Variants in FBXO10 observed in about 807,000 individuals in gnomAD.
FBXO10 encodes F-box protein 10.
FBXO10 carries 39 observed loss-of-function variants against 80.7 expected under a neutral mutation model. The observed-to-expected ratio is 0.48, with a 90% confidence interval of 0.37 to 0.63. FBXO10 has a LOEUF of 0.63. FBXO10 is among the 30% of genes least tolerant of loss of function. The pLI is 0.00. For synonymous variants in FBXO10, 449 were observed against 489.6 expected (o/e 0.92, Z 1.09); for missense variants, 1,025 against 1,269.0 (o/e 0.81, Z 2.92).
chr9:37,537,577 T>A lies in FBXO10; in HGVS notation c.952A>T (p.Ser318Cys). The change falls in exon 3 of 11, where the codon AGC (serine) becomes TGC (cysteine). Residue 318 changes from serine to cysteine, a missense_variant. Around this residue, in one of 3 missense-constraint regions of FBXO10, gnomAD observed 450 missense variants for 499.4 expected, o/e 0.90. Transcript: ENST00000432825. The part of the protein sequence containing the change: ...TCDIVIEGSQ[S>C]PTSPASSSPK... ...GAGCTAGAGGCTGGGCTGGTAGGGCTCTGGCTGCCCTCGATAACAATGTCA... is the reference window on the plus strand; with the variant it reads ...GAGCTAGAGGCTGGGCTGGTAGGGCACTGGCTGCCCTCGATAACAATGTCA... 6.2e-7 allele frequency: 1 copy of A among 1,613,742 alleles called. No individual in the cohort carries two copies. Among genetic ancestry groups the A allele is most frequent in the Non-Finnish European group, 8.5e-7 (1 of 1,179,790 alleles).
chr9:37,517,279 A>G (rs1019253579), intron 9 of FBXO10, among the ~76,000 whole-genome samples: 1 of 152,146 alleles, frequency 6.6e-6, no homozygotes, highest in African/African-American at 2.4e-5. Flanking sequence ...CTTGAGTGAC[A>G]GGGGCACCAA....
intron 1 of FBXO10, among the ~76,000 whole-genome samples, chr9:37,560,055 G>A (rs542950009): frequency 1.3e-4 from 20 of 152,220 alleles, no homozygotes; most frequent in African/African-American, 4.8e-4. Flanking sequence ...ACTGGTGCTC[G>A]ACCCTCTTTC....
intron 3 of FBXO10, among the ~76,000 whole-genome samples, chr9:37,533,694 A>T (rs1364865531): frequency 6.6e-6 from 1 of 152,068 alleles, no homozygotes; most frequent in Non-Finnish European, 1.5e-5. Context: ...AACATGGTGA[A>T]ACCCCATCTC....
chr9:37,571,846 G>T (rs1822768450), intron 1 of FBXO10, among the ~76,000 whole-genome samples: 1 of 150,396 alleles, frequency 6.6e-6, no homozygotes, highest in African/African-American at 2.5e-5. Flanking sequence ...ACAAAAAACT[G>T]CTCAAGGGCT....
chr9:37,537,698 G>C lies in FBXO10; in HGVS notation c.831C>G (p.Ile277Met). The C allele has an allele frequency of 6.2e-7, 1 of 1,613,954 alleles. No homozygotes were observed. The highest frequency in any genetic ancestry group is 8.5e-7 in the Non-Finnish European group (1 of 1,179,846). ...TGGGGAGAAAAGTGGGTGAGGACTT[G>C]ATAAGCCCTAGTAGATACTTGTAGG... is the stretch of plus-strand genomic sequence containing the variant. ...NWAYKYLLGL[I>M]KSSPTFLPTE... Residue 277 changes from isoleucine to methionine, a missense_variant, in exon 3 of 11, where the codon ATC becomes ATG. Physicochemically the swap from Ile to Met is conservative, Grantham distance 10 (BLOSUM62 1). This residue lies in a region of FBXO10 where 450 missense variants were observed against 499.4 expected (regional missense o/e 0.90). Transcript: ENST00000432825.
chr9:37,538,289 C>T (rs1039624140), intron 2 of FBXO10, among the ~76,000 whole-genome samples: 7 of 152,150 alleles, frequency 4.6e-5, no homozygotes, highest in African/African-American at 1.7e-4. Context: ...GAGGCCTAGC[C>T]GCATGTGCTG....
At chr9:37,523,753 C>G (rs1238633329) in intron 6 of FBXO10, among the ~76,000 whole-genome samples, 1 of 152,052 alleles carries the variant, frequency 6.6e-6, no homozygotes, top group Non-Finnish European at 1.5e-5. Flanking sequence ...GAAACCCCGT[C>G]TCTACTAAAA....
intron 1 of FBXO10, among the ~76,000 whole-genome samples, chr9:37,549,002 C>T (rs577415340): frequency 1.1e-4 from 17 of 152,272 alleles, no homozygotes; most frequent in African/African-American, 4.1e-4. Flanking sequence ...CCCGCCTCGG[C>T]CTCCCAAAGT....
chr9:37,546,824 G>A (rs1822068876), intron 1 of FBXO10, among the ~76,000 whole-genome samples: 1 of 152,040 alleles, frequency 6.6e-6, no homozygotes, highest in Non-Finnish European at 1.5e-5. Context: ...GGGACTGCAG[G>A]CGTGCGCCAC....
intron 1 of FBXO10, among the ~76,000 whole-genome samples, chr9:37,569,832 AAAAC>A (rs573190934): frequency 1.8e-4 from 27 of 152,346 alleles, no homozygotes; most frequent in African/African-American, 6.3e-4. Flanking sequence ...GACTGTCTCA[AAAAC>A]AAACAAACCA....
chr9:37,551,604 T>G (rs1218298431), intron 1 of FBXO10, among the ~76,000 whole-genome samples: 1 of 152,234 alleles, frequency 6.6e-6, no homozygotes, highest in African/African-American at 2.4e-5. Context: ...GAAGCATCCC[T>G]GAGCAATGAG....
intron 1 of FBXO10, among the ~76,000 whole-genome samples, chr9:37,550,764 A>G (rs563546965): frequency 7.9e-5 from 12 of 152,218 alleles, no homozygotes; most frequent in African/African-American, 2.4e-4. Flanking sequence ...TAGGCACCAC[A>G]CCCAGCCTAT....
intron 1 of FBXO10, among the ~76,000 whole-genome samples, chr9:37,567,375 G>A (rs1822635877): frequency 6.6e-6 from 1 of 151,646 alleles, no homozygotes; most frequent in Non-Finnish European, 1.5e-5. Flanking sequence ...AAAGTCCTGG[G>A]CTCAAGCGAT....
At chr9:37,563,822 T>C (rs1298008816) in intron 1 of FBXO10, among the ~76,000 whole-genome samples, 1 of 152,202 alleles carries the variant, frequency 6.6e-6, no homozygotes, top group Non-Finnish European at 1.5e-5. Flanking sequence ...ATTTTAAGGT[T>C]TAATGACTGG....
intron 1 of FBXO10, among the ~76,000 whole-genome samples, chr9:37,565,004 A>T (rs1461629254): frequency 6.6e-6 from 1 of 152,312 alleles, no homozygotes; most frequent in East Asian, 1.9e-4. Flanking sequence ...TAATTCCCAC[A>T]ATCCCCATTT....
intron 5 of FBXO10, among the ~76,000 whole-genome samples, chr9:37,525,542 C>T (rs1821449276): frequency 6.6e-6 from 1 of 152,032 alleles, no homozygotes; most frequent in Non-Finnish European, 1.5e-5. Flanking sequence ...TACATATATA[C>T]CCATGCATAT....
chr9:37,571,401 G>A (rs1822752250), intron 1 of FBXO10, among the ~76,000 whole-genome samples: 2 of 152,268 alleles, frequency 1.3e-5, no homozygotes, highest in South Asian at 4.1e-4. Flanking sequence ...TAAGAAGCAA[G>A]CCTATCTGTA....
At chr9:37,548,309 C>T (rs967162405) in intron 1 of FBXO10, among the ~76,000 whole-genome samples, 5 of 151,702 alleles carry the variant, frequency 3.3e-5, no homozygotes, top group South Asian at 4.2e-4. Flanking sequence ...CACTTGAACC[C>T]GGGAGGCGGA....
chr9:37,563,771 G>A (rs1250257940), intron 1 of FBXO10, among the ~76,000 whole-genome samples: 1 of 152,228 alleles, frequency 6.6e-6, no homozygotes, highest in Non-Finnish European at 1.5e-5. Context: ...AGAGGAAGCA[G>A]AGCATAAAAG....
Sources: gnomAD v4.1 joint callset for allele counts (sites outside exome capture counted in the v4.1 genomes callset) on GRCh38, gnomAD v4.1.1 for gene constraint, gnomAD v4.1.1 regional missense constraint, MANE v1.5 for transcripts, NCBI Gene and HGNC (gene_info 2026-07-23, HGNC 2026-07-21) for gene names.